Variants in UGCG observed in about 807,000 individuals in gnomAD.
The protein encoded by UGCG is UDP-glucose ceramide glucosyltransferase, also known as ceramide glucosyltransferase.
A neutral mutation model predicts 49.5 loss-of-function variants in UGCG; 10 were observed. That is an observed-to-expected ratio of 0.20 (90% CI 0.12 to 0.34). The LOEUF is 0.34. UGCG is among the 10% of genes least tolerant of loss of function. UGCG has a pLI of 1.00. For missense variants in UGCG, 312 were observed against 483.7 expected, an observed-to-expected ratio of 0.65 and a Z score of 3.33; for synonymous variants, 182 against 158.2, an observed-to-expected ratio of 1.15 and a Z score of -1.13.
intron 1 of UGCG, among the ~76,000 whole-genome samples, chr9:111,902,200 TA>T (rs1371099610): frequency 2.6e-5 from 4 of 152,362 alleles, no homozygotes; most frequent in African/African-American, 9.6e-5. Context: ...AGGTGCCCCT[TA>T]TGGCACCCAG....
intron 1 of UGCG, among the ~76,000 whole-genome samples, chr9:111,897,667 C>G (rs1226533284): frequency 6.6e-6 from 1 of 151,832 alleles, no homozygotes; most frequent in Non-Finnish European, 1.5e-5. Flanking sequence ...GTTTTTTTCT[C>G]CCGACCTGGG....
At position 111,926,575 on chromosome 9, in the gene UGCG, A is replaced by AT. The variant is rs1447979025; in HGVS notation, c.558+81dup. ...GAAGCTTGAGACTATGGGAGCTGGAATTAGGTATCTCAAGTTAACTGTATT... is the reference window on the plus strand; with the variant it reads ...GAAGCTTGAGACTATGGGAGCTGGAATTTAGGTATCTCAAGTTAACTGTATT... On this transcript the variant is annotated intron_variant, in intron 5 of 8. Transcript: ENST00000374279. 2.6e-5 allele frequency: 29 copies of AT among 1,110,606 alleles called. No individual in the cohort carries two copies. The Admixed American group carries it at 5.0e-4, about 19-fold the overall frequency. The allele number at this position is 1,110,606 out of a possible 1,614,324, so 68.8% of individuals were successfully genotyped here. A position where few individuals can be genotyped will look rare whatever the true frequency, so the allele number is the denominator to read the frequency against.
intron 2 of UGCG, among the ~76,000 whole-genome samples, chr9:111,918,076 C>G (rs1406667349): frequency 6.6e-6 from 1 of 151,604 alleles, no homozygotes; most frequent in East Asian, 1.9e-4. Flanking sequence ...GAGTCTTGCT[C>G]TGTCACCTGT....
chr9:111,909,075 C>T (rs751467949), intron 1 of UGCG, among the ~76,000 whole-genome samples: 63 of 152,272 alleles, frequency 4.1e-4, no homozygotes, highest in Non-Finnish European at 4.0e-4. Context: ...TGTGCCACCA[C>T]GCCCAGCTAA....
intron 1 of UGCG, among the ~76,000 whole-genome samples, chr9:111,912,028 G>GTATATATATATA (rs1838018670): frequency 3.4e-5 from 1 of 29,522 alleles, no homozygotes; most frequent in Non-Finnish European, 5.6e-5. Context: ...ATATTCAACA[G>GTATATATATATA]GATATATATA....
At chr9:111,930,069 C>T (rs1015397987) in intron 6 of UGCG, among the ~76,000 whole-genome samples, 1 of 152,094 alleles carries the variant, frequency 6.6e-6, no homozygotes, top group Non-Finnish European at 1.5e-5. Flanking sequence ...CTGCCCACCT[C>T]GGCCTCCTAA....
At chr9:111,922,202 A>C (rs1838240121) in intron 2 of UGCG, among the ~76,000 whole-genome samples, 1 of 152,142 alleles carries the variant, frequency 6.6e-6, no homozygotes, top group Non-Finnish European at 1.5e-5. Flanking sequence ...TGGGCAAAAT[A>C]AAGTTGTAGG....
chr9:111,931,550 C>G (rs555309983), intron 7 of UGCG, among the ~76,000 whole-genome samples, 193 bp downstream of exon 7: 2 of 152,124 alleles, frequency 1.3e-5, no homozygotes, highest in Non-Finnish European at 2.9e-5. Flanking sequence ...TGCTGTATAA[C>G]ACTGAAAGCA....
At position 111,931,279 on chromosome 9, in the gene UGCG, G is replaced by A; in HGVS notation, c.746G>A (p.Arg249Lys). 6.2e-7 allele frequency: 1 copy of A among 1,613,552 alleles called. No homozygotes were observed. ...ATTATCTTAATTTTCAGAGGTTGGAGGTTTGCAATGTCCACTCAAGTTGCA... is the reference window on the plus strand; with the variant it reads ...ATTATCTTAATTTTCAGAGGTTGGAAGTTTGCAATGTCCACTCAAGTTGCA... ...MAKAIADRGW[R>K]FAMSTQVAMQ... is the part of the protein sequence containing the mutation. Residue 249 changes from arginine to lysine, a missense_variant, in exon 7 of 9, where the codon AGG (arginine) becomes AAG (lysine). This residue lies in a region of UGCG where 180 missense variants were observed against 320.4 expected (regional missense o/e 0.56). Coordinates refer to ENST00000374279, the MANE Select transcript of UGCG (RefSeq NM_003358.3).
At chr9:111,911,788 A>G (rs1837999767) in intron 1 of UGCG, among the ~76,000 whole-genome samples, 1 of 151,036 alleles carries the variant, frequency 6.6e-6, no homozygotes, top group Non-Finnish European at 1.5e-5. Flanking sequence ...TATCCTAGCT[A>G]CTGGGGAGGC....
chr9:111,931,918 A>G (rs547288046), intron 7 of UGCG, among the ~76,000 whole-genome samples: 1 of 152,080 alleles, frequency 6.6e-6, no homozygotes, highest in East Asian at 1.9e-4. Context: ...GGTCCCAGCT[A>G]CTTGGTGGGA....
rs71373800 is a variant in UGCG at position 111,921,802 on chromosome 9, A to ATTTTTTTTTTTTTTT, written c.241-1035_241-1021dup. Among the ~76,000 whole-genome samples the ATTTTTTTTTTTTTTT allele has an allele frequency of 2.5e-3, 140 of 55,530 alleles. 25 individuals carry two copies. Among genetic ancestry groups the ATTTTTTTTTTTTTTT allele is most frequent in the Non-Finnish European group, 3.2e-3 (98 of 30,928 alleles). 36.4% of individuals were successfully genotyped at this position (55,530 alleles called of 152,430 possible). On this transcript the variant is annotated intron_variant, in intron 2 of 8. Coordinates refer to ENST00000374279, the MANE Select transcript of UGCG (RefSeq NM_003358.3). ...TTTTTAAAATAAATGCCCCAGGGTG[A>ATTTTTTTTTTTTTTT]TTTTTTTTTTTTTTTTTTTTTTTTT...
chr9:111,918,783 G>T (rs916458431), intron 2 of UGCG, among the ~76,000 whole-genome samples: 4 of 152,074 alleles, frequency 2.6e-5, no homozygotes, highest in Non-Finnish European at 5.9e-5. Context: ...AAATTAGCTG[G>T]GCGCAGTGGC....
intron 2 of UGCG, among the ~76,000 whole-genome samples, chr9:111,916,709 C>T (rs977579722): frequency 1.3e-5 from 2 of 151,728 alleles, no homozygotes; most frequent in Non-Finnish European, 2.9e-5. Flanking sequence ...CAAGCAATCC[C>T]CCCACCTCAG....
intron 2 of UGCG, 65 bp from the exon 3 acceptor site, chr9:111,922,784 A>G: frequency 8.7e-7 from 1 of 1,152,058 alleles, no homozygotes; most frequent in South Asian, 1.6e-5. Context: ...TTGTTCAATC[A>G]ATACATGCTA....
chr9:111,918,273 C>T (rs915088266), intron 2 of UGCG, among the ~76,000 whole-genome samples: 1 of 152,124 alleles, frequency 6.6e-6, no homozygotes. Context: ...AACTCCTGAC[C>T]TCAGTTGATT....
At chr9:111,912,906 C>T (rs562271982) in intron 1 of UGCG, among the ~76,000 whole-genome samples, 6 of 147,968 alleles carry the variant, frequency 4.1e-5, no homozygotes, top group Non-Finnish European at 7.4e-5. Flanking sequence ...TGTGTGTGTG[C>T]GTGTGTGCAC....
intron 1 of UGCG, among the ~76,000 whole-genome samples, chr9:111,902,840 C>T (rs1292781746): frequency 6.6e-6 from 1 of 151,058 alleles, no homozygotes; most frequent in Non-Finnish European, 1.5e-5. Flanking sequence ...GGCAGTGGTG[C>T]GATCTCGGCT....
chr9:111,903,566 G>GA (rs928808349), intron 1 of UGCG, among the ~76,000 whole-genome samples: 2 of 151,932 alleles, frequency 1.3e-5, no homozygotes, highest in East Asian at 3.9e-4. Context: ...CTCTGCCTCA[G>GA]AAAAAAAAGA....
Sources: gnomAD v4.1 joint callset for allele counts (sites outside exome capture counted in the v4.1 genomes callset) on GRCh38, gnomAD v4.1.1 for gene constraint, gnomAD v4.1.1 regional missense constraint, MANE v1.5 for transcripts, NCBI Gene and HGNC (gene_info 2026-07-23, HGNC 2026-07-21) for gene names.